EI24: variants seen among roughly 807,000 people sequenced by gnomAD.
The protein encoded by EI24 is EI24 autophagy associated transmembrane protein, also known as etoposide-induced protein 2.4 homolog.
A neutral mutation model predicts 48.6 loss-of-function variants in EI24; 21 were observed. The observed-to-expected ratio is 0.43, with a 90% CI of 0.31 to 0.62. EI24 has a LOEUF of 0.62. EI24 is among the 20% of genes least tolerant of loss of function. The pLI, the probability that EI24 is intolerant of heterozygous loss-of-function variation, is 0.10. For missense variants in EI24, 280 were observed against 410.5 expected, an observed-to-expected ratio of 0.68 and a Z score of 2.75; for synonymous variants, 114 against 145.5, an observed-to-expected ratio of 0.78 and a Z score of 1.56.
chr11:125,569,778 A>G (rs1938462598), intron 1 of EI24: 3 of 291,494 alleles, frequency 1.0e-5, no homozygotes, highest in Admixed American at 5.2e-5. Flanking sequence ...AGCTATCTTT[A>G]GCTCCCTGTG....
At chr11:125,575,809 T>C in intron 3 of EI24, 1 of 323,582 alleles carries the variant, frequency 3.1e-6, no homozygotes, top group South Asian at 2.4e-5. Flanking sequence ...TGAGACGGAT[T>C]CTTGCCCTGT....
chr11:125,582,486 C>A, intron 10 of EI24, 66 bp downstream of exon 10: 3 of 1,206,478 alleles, frequency 2.5e-6, no homozygotes, highest in Non-Finnish European at 2.3e-6. Context: ...CCAGTTATGT[C>A]AGTGAGGCTT....
At chr11:125,576,164 C>G in intron 3 of EI24, 91 bp from the exon 4 acceptor site, 1 of 1,225,636 alleles carries the variant, frequency 8.2e-7, no homozygotes, top group Admixed American at 2.0e-5. Context: ...TAATACAGTA[C>G]CCACAAAAGA....
chr11:125,572,918 C>T (rs1340848533), intron 2 of EI24, among the ~76,000 whole-genome samples: 1 of 150,086 alleles, frequency 6.7e-6, no homozygotes, highest in Non-Finnish European at 1.5e-5. Context: ...CCTGTATGTC[C>T]TTCATCAGCT....
In EI24 at chr11:125,583,930, A is replaced by G. The variant is rs1939119376; in HGVS notation, c.*247A>G. The G allele has an allele frequency of 5.8e-6, 3 of 513,462 alleles. No individual in the cohort carries two copies. The highest frequency in any genetic ancestry group is 3.3e-5 in the Admixed American group (1 of 30,108). 31.8% of individuals were successfully genotyped at this position (513,462 alleles called of 1,614,324 possible). On this transcript the variant is annotated 3_prime_UTR_variant, in exon 11 of 11. Transcript: ENST00000278903. ...AAGGACCACAGGTTTTTCTGCAGCT[A>G]TTTTCTAGCATTTGCCAGTCCCTGT...
intron 3 of EI24, 59 bp from the exon 4 acceptor site, chr11:125,576,196 G>T: frequency 6.6e-7 from 1 of 1,508,180 alleles, no homozygotes; most frequent in East Asian, 2.3e-5. Flanking sequence ...ATGAACTACT[G>T]AATGACAATT....
At chr11:125,570,318 C>T (rs1424740588) in intron 1 of EI24, 1 of 152,224 alleles carries the variant, frequency 6.6e-6, no homozygotes, top group East Asian at 1.9e-4. Flanking sequence ...GCATCTTCAT[C>T]TGTCTAGCTC....
At chr11:125,581,398 G>A (rs962327125) in intron 9 of EI24, 76 bp downstream of exon 9, 14 of 889,234 alleles carry the variant, frequency 1.6e-5, no homozygotes, top group African/African-American at 3.3e-5. Context: ...TGTTTGCTTC[G>A]TTCTGTTTCG....
intron 9 of EI24, among the ~76,000 whole-genome samples, chr11:125,581,526 A>G (rs11220135): frequency 0.17 from 24,481 of 143,972 alleles, 2,272 homozygotes; most frequent in Middle Eastern, 0.27. Flanking sequence ...TTGCCTCCTG[A>G]AGCAATTATT....
chr11:125,581,499 C>A (rs1206979678), intron 9 of EI24, among the ~76,000 whole-genome samples, 177 bp downstream of exon 9: 1 of 145,428 alleles, frequency 6.9e-6, no homozygotes, highest in Non-Finnish European at 1.5e-5. Context: ...CCCTATATCC[C>A]ATATTCTTTT....
At chr11:125,579,372 G>A (rs550419633) in intron 7 of EI24, among the ~76,000 whole-genome samples, 2 of 148,928 alleles carry the variant, frequency 1.3e-5, no homozygotes, top group South Asian at 4.2e-4. Flanking sequence ...TTTTTAAAGA[G>A]ACAGACGGGT....
intron 2 of EI24, among the ~76,000 whole-genome samples, chr11:125,573,038 C>CT (rs140550669): frequency 0.019 from 2,783 of 149,132 alleles, 41 homozygotes; most frequent in African/African-American, 0.039. Flanking sequence ...GAGAACCTAT[C>CT]TTTTTTTTTT....
intron 1 of EI24, among the ~76,000 whole-genome samples, chr11:125,571,040 G>A (rs1938516352): frequency 6.6e-6 from 1 of 152,226 alleles, no homozygotes; most frequent in African/African-American, 2.4e-5. Flanking sequence ...GACCTAAGGA[G>A]CAGAGGGTAT....
At chr11:125,571,905 A>G (rs923636367) in intron 1 of EI24, among the ~76,000 whole-genome samples, 5 of 152,048 alleles carry the variant, frequency 3.3e-5, no homozygotes, top group Admixed American at 6.6e-5. Context: ...AAAAAGACCT[A>G]TTTGGAGGTT....
intron 5 of EI24, 182 bp from the exon 6 acceptor site, chr11:125,577,951 T>C: frequency 2.9e-6 from 2 of 686,016 alleles, no homozygotes; most frequent in Non-Finnish European, 4.8e-6. Flanking sequence ...TGAATTGGAA[T>C]TGTGGCCAGA....
intron 2 of EI24, among the ~76,000 whole-genome samples, chr11:125,572,799 T>C (rs886658504): frequency 7.2e-5 from 11 of 151,882 alleles, no homozygotes; most frequent in African/African-American, 2.7e-4. Context: ...TCTCCAGTAT[T>C]GGGACCCTAA....
chr11:125,575,378 G>T lies in EI24; in HGVS notation c.158G>T (p.Arg53Ile). The T allele has an allele frequency of 6.3e-7, 1 of 1,594,708 alleles. No homozygotes were observed. Among genetic ancestry groups the T allele is most frequent in the Non-Finnish European group, 8.5e-7 (1 of 1,170,480 alleles). Residue 53 changes from arginine to isoleucine, a missense_variant, in exon 3 of 11, where the codon AGA becomes ATA. Physicochemically the swap from Arg to Ile is moderately conservative, Grantham distance 97 (BLOSUM62 -3). Around this residue, in one of 3 missense-constraint regions of EI24, gnomAD observed 204 missense variants for 294.1 expected, o/e 0.69. Coordinates refer to ENST00000278903, the MANE Select transcript of EI24 (RefSeq NM_004879.5). ...GCAAGTAGTGTCTTGGCACAGAGAA[G>T]AGCCCAGAGTATAGAGCGGAAGCAA... Reference protein sequence around the residue: ...RRASSVLAQRRAQSIERKQES... With the variant: ...RRASSVLAQRIAQSIERKQES...
intron 10 of EI24, among the ~76,000 whole-genome samples, chr11:125,583,281 T>C (rs1041250622): frequency 6.6e-6 from 1 of 152,130 alleles, no homozygotes; most frequent in African/African-American, 2.4e-5. Flanking sequence ...TTTTCTCAAG[T>C]GATCCACCTG....
At chr11:125,583,277 C>T (rs1278205200) in intron 10 of EI24, among the ~76,000 whole-genome samples, 1 of 151,992 alleles carries the variant, frequency 6.6e-6, no homozygotes. Context: ...ATTTTTTTCT[C>T]AAGTGATCCA....
Sources: gnomAD v4.1 joint callset for allele counts (sites outside exome capture counted in the v4.1 genomes callset) on GRCh38, gnomAD v4.1.1 for gene constraint, gnomAD v4.1.1 regional missense constraint, MANE v1.5 for transcripts, NCBI Gene and HGNC (gene_info 2026-07-23, HGNC 2026-07-21) for gene names.